Variants in HK3 observed in about 807,000 individuals in gnomAD.
The protein encoded by HK3 is hexokinase-3.
Under a neutral mutation model 91.0 loss-of-function variants are expected in HK3, and 93 were observed. The observed-to-expected ratio is 1.02, with a 90% CI of 0.86 to 1.21. HK3 has a LOEUF of 1.21. HK3 is among the 50% of genes most tolerant of loss of function. The pLI is 0.00. For synonymous variants in HK3, 519 were observed against 516.9 expected, an observed-to-expected ratio of 1.00 and a Z score of -0.06; for missense variants, 1,235 against 1,247.4, an observed-to-expected ratio of 0.99 and a Z score of 0.15.
intron 9 of HK3, 51 bp from the exon 10 acceptor site, chr5:176,888,616 C>A: frequency 6.2e-7 from 1 of 1,607,600 alleles, no homozygotes; most frequent in African/African-American, 1.3e-5. Flanking sequence ...GCTCCCCATC[C>A]CACTAAAGCC....
chr5:176,896,991 A>C (rs138727699), intron 1 of HK3, among the ~76,000 whole-genome samples: 1 of 151,812 alleles, frequency 6.6e-6, no homozygotes, highest in East Asian at 1.9e-4. Context: ...AGAGCCCTGT[A>C]CTCAGAGGTG....
In HK3 at chr5:176,894,870, G is replaced by A. The variant is rs191824243; in HGVS notation, c.96+1194C>T. Among the ~76,000 whole-genome samples the A allele has an allele frequency of 2.6e-3, 389 of 148,948 alleles. 2 individuals are homozygous for A. Among genetic ancestry groups the A allele is most frequent in the African/African-American group, 9.4e-3 (378 of 40,416 alleles). On this transcript the variant is annotated intron_variant, in intron 2 of 18. Transcript: ENST00000292432. ...TGGCTCACTGCAAGCTCTGCCTCCC[G>A]GGTTCACACCATTCTCCTGCCTCGG...
At position 176,888,327 on chromosome 5, in the gene HK3, A is replaced by G; in HGVS notation, c.1304+5T>C. 2 of 1,551,442 alleles carry G rather than the reference A, an allele frequency of 1.3e-6. No individual in the cohort carries two copies. Among genetic ancestry groups the G allele is most frequent in the Non-Finnish European group, 1.7e-6 (2 of 1,145,890 alleles). On this transcript the variant is annotated splice_donor_5th_base_variant and intron_variant, in intron 10 of 18. Transcript: ENST00000292432. ...CTAATCATGCGGATCACGTTTCCACAATACCTGGGGTGCCGCTCACACACT... is the reference window on the plus strand; with the variant it reads ...CTAATCATGCGGATCACGTTTCCACGATACCTGGGGTGCCGCTCACACACT...
rs761380708 is a variant in HK3, at chr5:176,881,091, C to T, written c.2754G>A (p.Ala918=). Reference sequence around the variant, plus strand: ...GGTTTCCTCAGACACGAGTCAACTGCGCAAGGCGGCAGGCAACAGCGGTGA... The same window carrying T: ...GGTTTCCTCAGACACGAGTCAACTGTGCAAGGCGGCAGGCAACAGCGGTGA... ...ALVTAVACRL[A]QLTRV Residue 918 remains alanine, a synonymous_variant, in exon 19 of 19, where the codon GCG becomes GCA. Transcript: ENST00000292432. 2.1e-5 allele frequency: 34 copies of T among 1,609,342 alleles called. No homozygotes were observed. Among genetic ancestry groups the T allele is most frequent in the East Asian group, 1.8e-4 (8 of 44,820 alleles).
chr5:176,894,562 G>A (rs1645784485), intron 2 of HK3, among the ~76,000 whole-genome samples: 2 of 152,178 alleles, frequency 1.3e-5, no homozygotes, highest in African/African-American at 4.8e-5. Flanking sequence ...CCTGAGGCAC[G>A]GCTGTGGGTC....
At chr5:176,895,923 A>G (rs1300545679) in intron 2 of HK3, 141 bp downstream of exon 2, 1 of 704,234 alleles carries the variant, frequency 1.4e-6, no homozygotes, top group Non-Finnish European at 2.6e-6. Flanking sequence ...GCATGAAAGG[A>G]GATCGTTACC....
chr5:176,882,555 C>T (rs1050512811), intron 15 of HK3, among the ~76,000 whole-genome samples: 4 of 152,294 alleles, frequency 2.6e-5, no homozygotes, highest in South Asian at 4.1e-4. Flanking sequence ...AAATCAGAGA[C>T]GAGGAGCCCC....
chr5:176,881,380 T>C lies in HK3; in HGVS notation c.2549A>G (p.Lys850Arg). 6.2e-7 allele frequency: 1 copy of C among 1,613,908 alleles called. No individual in the cohort carries two copies. The highest frequency in any genetic ancestry group is 8.5e-7 in the Non-Finnish European group (1 of 1,180,032). The change falls in exon 18 of 19, where the codon AAG becomes AGG. Residue 850 changes from lysine to arginine, a missense_variant. This residue lies in a region of HK3 where 513 missense variants were observed against 477.4 expected (regional missense o/e 1.07). Transcript: ENST00000292432. ...CGAGVAAVVE[K>R]IRENRGLEEL... ...TTCCAGGCCCCGGTTCTCCCGGATCTTCTCCACCACGGCAGCTACACCCGC... is the reference window on the plus strand; with the variant it reads ...TTCCAGGCCCCGGTTCTCCCGGATCCTCTCCACCACGGCAGCTACACCCGC...
In HK3 at chr5:176,890,806, G is replaced by A. The variant is rs1471008015; in HGVS notation, c.534+16C>T. On this transcript the variant is annotated intron_variant, in intron 5 of 18. Transcript: ENST00000292432. The stretch of plus-strand genomic sequence containing the variant: ...AGCCACCCTCTACCCAGCGTCCCAT[G>A]TCCACTCCACCTCACCCTGTCCAAG... 1.9e-6 allele frequency: 3 copies of A among 1,614,196 alleles called. No homozygotes were observed. The highest frequency in any genetic ancestry group is 1.3e-5 in the African/African-American group (1 of 75,056).
At position 176,887,342 on chromosome 5, in the gene HK3, G is replaced by A. The variant is rs1484298801; in HGVS notation, c.1601-5C>T. On this transcript the variant is annotated splice_region_variant and splice_polypyrimidine_tract_variant and intron_variant, in intron 11 of 18. Transcript: ENST00000292432. The surrounding 1 kb of genome is among the most constrained non-coding windows in gnomAD (Gnocchi z 4.9). The stretch of plus-strand genomic sequence containing the variant: ...GGGCCAGGAAATCCCCTCGCTCTGT[G>A]GGGGCAGAGACCCTCAGTGCCGGGA... 2.5e-6 allele frequency: 4 copies of A among 1,613,884 alleles called. No individual in the cohort carries two copies. The Admixed American group carries it at 6.7e-5, about 27-fold the overall frequency.
chr5:176,882,214 T>G, intron 15 of HK3, 87 bp from the exon 16 acceptor site: 1 of 1,358,000 alleles, frequency 7.4e-7, no homozygotes, highest in Non-Finnish European at 1.0e-6. Flanking sequence ...TGGCAACGAT[T>G]CGGGCTCACT....
intron 15 of HK3, among the ~76,000 whole-genome samples, chr5:176,882,465 G>C (rs1465049028): frequency 2.0e-5 from 3 of 152,222 alleles, no homozygotes; most frequent in Non-Finnish European, 4.4e-5. Context: ...CTGCGGTTGA[G>C]AGGCCGAAGC....
rs1460613215 is a variant in HK3 at position 176,881,972 on chromosome 5, G to T, written c.2209C>A (p.Gln737Lys). The T allele has an allele frequency of 1.2e-6, 2 of 1,613,588 alleles. No individual in the cohort carries two copies. Among genetic ancestry groups the T allele is most frequent in the East Asian group, 4.5e-5 (2 of 44,852 alleles). ...TGCTTGCCGGGGTTGATGGACGCCT[G>T]GTCCACACTTGCATCAAAGCGGGTG... ...LSTRFDASVDQASINPGKQRF... is the reference protein window; with the variant it reads ...LSTRFDASVDKASINPGKQRF... The change falls in exon 16 of 19, where the codon CAG becomes AAG. Residue 737 changes from glutamine (Q) to lysine (K), a missense_variant. Transcript: ENST00000292432.
chr5:176,896,303 T>G, intron 1 of HK3, 118 bp from the exon 2 acceptor site: 1 of 495,430 alleles, frequency 2.0e-6, no homozygotes, highest in Non-Finnish European at 3.6e-6. Flanking sequence ...GGGAGCAGAA[T>G]TCAGAACCTC....
chr5:176,883,753 G>T lies in HK3; in HGVS notation c.2053+17C>A, dbSNP rs759654848. The T allele has an allele frequency of 5.0e-6, 8 of 1,599,148 alleles. No individual in the cohort carries two copies. Among genetic ancestry groups the T allele is most frequent in the East Asian group, 2.2e-5 (1 of 44,756 alleles). ...TTGCCAAGCAGTAGGGGCATGAAAG[G>T]GCAGGGCCCTCCTCACCGACAATGA... On this transcript the variant is annotated intron_variant, in intron 15 of 18. Coordinates refer to ENST00000292432, the MANE Select transcript of HK3 (RefSeq NM_002115.3).
rs778894428 is a variant in HK3 at position 176,896,801 on chromosome 5, C to A, written c.-26-616G>T. Among the ~76,000 whole-genome samples the A allele has an allele frequency of 1.1e-4, 17 of 152,254 alleles. No individual in the cohort carries two copies. In the East Asian group the frequency reaches 3.3e-3, roughly 29 times the overall value. ...GTTCCACTAGTGACCTGACCTTGGA[C>A]GTCATTTATGACTTCTTTGAATTTC... On this transcript the variant is annotated intron_variant, in intron 1 of 18. Transcript: ENST00000292432.
At chr5:176,886,126 G>A (rs1758578536) in intron 13 of HK3, among the ~76,000 whole-genome samples, 1 of 152,074 alleles carries the variant, frequency 6.6e-6, no homozygotes, top group Non-Finnish European at 1.5e-5. Context: ...CTACTTGGGA[G>A]GCTGAGGCAG....
rs1261916502 is a variant in HK3, at chr5:176,889,809, T to TGGGCA, written c.631-70_631-66dup. 11 of 1,337,418 alleles carry TGGGCA rather than the reference T, an allele frequency of 8.2e-6. No individual in the cohort carries two copies. In the East Asian group the frequency reaches 2.5e-4, roughly 31 times the overall value. The allele number at this position is 1,337,418 out of a possible 1,614,324, so 82.8% of individuals were successfully genotyped here. Reference sequence around the variant, plus strand: ...TGGCCAGAGGAGGGAATCCAGGGGATGGGCAGGGCTGGGGCCCTGGCTTTG... The same window carrying TGGGCA: ...TGGCCAGAGGAGGGAATCCAGGGGATGGGCAGGGCAGGGCTGGGGCCCTGGCTTTG... On this transcript the variant is annotated intron_variant, in intron 6 of 18. Transcript: ENST00000292432.
In HK3 at chr5:176,887,850, G is replaced by T. The variant is rs1758643927; in HGVS notation, c.1305-104C>A. 5 of 1,278,650 alleles carry T rather than the reference G, an allele frequency of 3.9e-6. No individual in the cohort carries two copies. The highest frequency in any genetic ancestry group is 1.5e-5 in the African/African-American group (1 of 66,874). 79.2% of individuals were successfully genotyped at this position (1,278,650 alleles called of 1,614,324 possible). A position where few individuals can be genotyped will look rare whatever the true frequency, so the allele number is the denominator to read the frequency against. The stretch of plus-strand genomic sequence containing the variant: ...CCCCAGATACATACAGGTGTGCCCA[G>T]CTTGGCCCCAGACCCCTAGGGCCTC... On this transcript the variant is annotated intron_variant, in intron 10 of 18. Coordinates refer to ENST00000292432, the MANE Select transcript of HK3 (RefSeq NM_002115.3). The surrounding 1 kb of genome is among the most constrained non-coding windows in gnomAD (Gnocchi z 4.9).
Sources: gnomAD v4.1 joint callset for allele counts (sites outside exome capture counted in the v4.1 genomes callset) on GRCh38, gnomAD v4.1.1 for gene constraint, gnomAD v4.1.1 regional missense constraint, Gnocchi (gnomAD v3.1) non-coding constraint, MANE v1.5 for transcripts, NCBI Gene and HGNC (gene_info 2026-07-23, HGNC 2026-07-21) for gene names.